KCP: variants seen among roughly 807,000 people sequenced by gnomAD.
KCP encodes the protein kielin/chordin-like protein.
KCP carries 194 observed loss-of-function variants against 212.7 expected under a neutral mutation model. The observed-to-expected ratio is 0.91, with a 90% CI of 0.81 to 1.03. The LOEUF is 1.03. Among genes scored for constraint, KCP ranks in the 50% least tolerant of loss-of-function variants. KCP has a pLI of 0.00. For missense variants in KCP, 2,080 were observed against 2,162.5 expected, an observed-to-expected ratio of 0.96 and a Z score of 0.76; for synonymous variants, 833 against 865.3, an observed-to-expected ratio of 0.96 and a Z score of 0.65.
Position 128,877,611 on chromosome 7 carries a change from C to T in KCP, c.4491G>A (p.Val1497=). Reference sequence around the variant, plus strand: ...CAGGGCCACAGGCACACAGGTCATACACACAGGCGGCAAAGAAGGGCTCCG... The same window carrying T: ...CAGGGCCACAGGCACACAGGTCATATACACAGGCGGCAAAGAAGGGCTCCG... The part of the protein sequence containing the change: ...VPPEPFFAAC[V]YDLCACGPGS... The change falls in exon 39 of 40, where the codon GTG becomes GTA. Residue 1497 remains valine, a synonymous_variant. Coordinates refer to ENST00000610776, the MANE Select transcript of KCP (RefSeq NM_001366122.1). 2 of 1,551,704 alleles carry T rather than the reference C, an allele frequency of 1.3e-6. No individual in the cohort carries two copies. Among genetic ancestry groups the T allele is most frequent in the Non-Finnish European group, 1.7e-6 (2 of 1,146,998 alleles).
rs1794092572 is a variant in KCP, at chr7:128,891,103, C to T, written c.1973-7G>A. On this transcript the variant is annotated splice_region_variant and splice_polypyrimidine_tract_variant and intron_variant, in intron 19 of 39. Transcript: ENST00000610776. Reference sequence around the variant, plus strand: ...CCGGCGGGGGCTGGGGCGGCTGCGGCGAGACAGCGCATCAAAGGGGCCCAG... The same window carrying T: ...CCGGCGGGGGCTGGGGCGGCTGCGGTGAGACAGCGCATCAAAGGGGCCCAG... The T allele has an allele frequency of 1.4e-6, 2 of 1,461,382 alleles. No individual in the cohort carries two copies. The highest frequency in any genetic ancestry group is 1.8e-6 in the Non-Finnish European group (2 of 1,109,914). The allele number at this position is 1,461,382 out of a possible 1,614,324, so 90.5% of individuals were successfully genotyped here. A position where few individuals can be genotyped will look rare whatever the true frequency, so the allele number is the denominator to read the frequency against.
chr7:128,890,494 C>A lies in KCP; in HGVS notation c.2184G>T (p.Lys728Asn), dbSNP rs1390220009. ...PSCDGCLYQG[K>N]EFASGERFPS... ...GGAAGCGCTCCCCGCTGGCAAACTC[C>A]TTCCCCTGGTACAGGCAGCCTGGGG... Residue 728 changes from lysine to asparagine, a missense_variant, in exon 21 of 40, where the codon AAG becomes AAT. Lys to Asn is a moderately conservative substitution (Grantham distance 94). Coordinates refer to ENST00000610776, the MANE Select transcript of KCP (RefSeq NM_001366122.1). The A allele has an allele frequency of 5.8e-6, 9 of 1,549,640 alleles. No individual in the cohort carries two copies. The highest frequency in any genetic ancestry group is 1.4e-5 in the African/African-American group (1 of 72,994).
intron 7 of KCP, 35 bp from the exon 8 acceptor site, chr7:128,902,894 T>A: frequency 6.6e-7 from 1 of 1,507,362 alleles, no homozygotes; most frequent in South Asian, 1.2e-5. Context: ...GGAGGCCTGG[T>A]GGGAGCTGGC....
intron 11 of KCP, 145 bp from the exon 12 acceptor site, chr7:128,893,621 C>T (rs1043468648): frequency 1.0e-6 from 1 of 964,410 alleles, no homozygotes. Flanking sequence ...CCCTGCCCCC[C>T]ACAGCTATGC....
chr7:128,885,331 C>T, intron 26 of KCP, 61 bp from the exon 27 acceptor site: 5 of 1,476,790 alleles, frequency 3.4e-6, no homozygotes, highest in Non-Finnish European at 4.5e-6. Flanking sequence ...CTGCTCCTGG[C>T]CCCCACCCTC....
At chr7:128,902,960 C>T (rs1271577759) in intron 7 of KCP, 101 bp from the exon 8 acceptor site, 1 of 861,558 alleles carries the variant, frequency 1.2e-6, no homozygotes, top group Non-Finnish European at 1.9e-6. Flanking sequence ...TCTGAGGGCT[C>T]TCTCCCGAGC....
intron 21 of KCP, 102 bp from the exon 22 acceptor site, chr7:128,889,141 C>T: frequency 1.1e-6 from 1 of 884,678 alleles, no homozygotes; most frequent in Non-Finnish European, 1.6e-6. Context: ...TCCAAGATCT[C>T]AAAGATCTAG....
Position 128,894,223 on chromosome 7 carries a change from C to T in KCP, c.902G>A (p.Gly301Asp). The T allele has an allele frequency of 5.9e-6, 9 of 1,538,008 alleles. No homozygotes were observed. Among genetic ancestry groups the T allele is most frequent in the Non-Finnish European group, 7.9e-6 (9 of 1,138,010 alleles). The change falls in exon 9 of 40, where the codon GGC (glycine) becomes GAC (aspartate). Residue 301 changes from glycine to aspartate, a missense_variant. By Grantham distance (94) the Gly-to-Asp change is moderately conservative. Coordinates refer to ENST00000610776, the MANE Select transcript of KCP (RefSeq NM_001366122.1). ...LCPYPARPLP[G>D]TCCPVCDGCF... ...ACCATCACACACAGGGCAGCAGGTG[C>T]CTGGGAGGGGCCGGGCTGGGTATGG... is the stretch of plus-strand genomic sequence containing the variant.
At chr7:128,888,119 T>TAC (rs199831809) in intron 22 of KCP, among the ~76,000 whole-genome samples, 52,689 of 117,434 alleles carry the variant, frequency 0.45, 10,632 homozygotes, top group East Asian at 0.77. Context: ...GCTACAGCCA[T>TAC]ACACACACAC....
intron 28 of KCP, 108 bp from the exon 29 acceptor site, chr7:128,884,230 C>A: frequency 1.4e-6 from 2 of 1,384,330 alleles, no homozygotes; most frequent in Non-Finnish European, 9.6e-7. Flanking sequence ...TCTTCCGGGA[C>A]ATGTCTTGGG....
chr7:128,885,295 G>C (rs185725369), intron 26 of KCP, 25 bp from the exon 27 acceptor site: 2 of 1,522,696 alleles, frequency 1.3e-6, no homozygotes, highest in East Asian at 4.9e-5. Flanking sequence ...GGGCAGGGAC[G>C]AGCTCGGAGG....
intron 1 of KCP, among the ~76,000 whole-genome samples, chr7:128,909,612 A>G (rs1373047343): frequency 6.6e-6 from 1 of 151,530 alleles, no homozygotes. Context: ...TCTCTCCACC[A>G]TCTCCATTCA....
In KCP at chr7:128,888,935, G is replaced by A. The variant is rs370329524; in HGVS notation, c.2440C>T (p.Arg814Cys). ...CAGCCCGGAGGCTCACAGGGCCGGCGGCCGCAGGTCACGAAGCCTCCAAGA... is the reference window on the plus strand; with the variant it reads ...CAGCCCGGAGGCTCACAGGGCCGGCAGCCGCAGGTCACGAAGCCTCCAAGA... ...TCLGGFVTCG[R>C]RPCEPPGCSH... The change falls in exon 22 of 40, where the codon CGC (arginine) becomes TGC (cysteine). Residue 814 changes from arginine to cysteine, a missense_variant. Arg to Cys is a radical substitution (Grantham distance 180). Coordinates refer to ENST00000610776, the MANE Select transcript of KCP (RefSeq NM_001366122.1). 1.9e-5 allele frequency: 30 copies of A among 1,550,716 alleles called. 1 individual carries two copies. Among genetic ancestry groups the A allele is most frequent in the Middle Eastern group, 1.7e-4 (1 of 6,010 alleles).
chr7:128,881,550 G>T, intron 31 of KCP, 76 bp downstream of exon 31: 1 of 1,028,790 alleles, frequency 9.7e-7, no homozygotes, highest in Non-Finnish European at 1.4e-6. Context: ...CTGCCCGCTT[G>T]GCCCATGAAT....
In KCP at chr7:128,878,542, T is replaced by C. The variant is rs1384548764; in HGVS notation, c.4311+16A>G. 1 of 1,549,500 alleles carries C rather than the reference T, an allele frequency of 6.5e-7. No individual in the cohort carries two copies. Among genetic ancestry groups the C allele is most frequent in the African/African-American group, 1.4e-5 (1 of 73,030 alleles). ...CGTCTCCCCTAATCCCCATCCCCGGTTCCTGTACCACTCACCTGCCAGCTA... is the reference window on the plus strand; with the variant it reads ...CGTCTCCCCTAATCCCCATCCCCGGCTCCTGTACCACTCACCTGCCAGCTA... On this transcript the variant is annotated intron_variant, in intron 38 of 39. Transcript: ENST00000610776.
intron 11 of KCP, 92 bp downstream of exon 11, chr7:128,893,714 G>A (rs370273217): frequency 2.2e-6 from 3 of 1,362,266 alleles, no homozygotes; most frequent in Non-Finnish European, 2.0e-6. Flanking sequence ...GGGTAACAGG[G>A]GCTTAGGTCC....
At position 128,891,486 on chromosome 7, in the gene KCP, G is replaced by C. The variant is rs968369733; in HGVS notation, c.1843C>G (p.His615Asp). Reference sequence around the variant, plus strand: ...CACAGACGGCAGGGGTCAGAGGGGTGGGGGAAGTCCGCTCCGCTGGGGTAC... The same window carrying C: ...CACAGACGGCAGGGGTCAGAGGGGTCGGGGAAGTCCGCTCCGCTGGGGTAC... Reference protein sequence around the residue: ...KEYPSGADFPHPSDPCRLCRC... With the variant: ...KEYPSGADFPDPSDPCRLCRC... The change falls in exon 18 of 40, where the codon CAC (histidine) becomes GAC (aspartate). Residue 615 changes from histidine to aspartate, a missense_variant. Transcript: ENST00000610776. The C allele has an allele frequency of 1.3e-6, 2 of 1,550,306 alleles. No homozygotes were observed. The highest frequency in any genetic ancestry group is 2.4e-5 in the East Asian group (1 of 40,914).
chr7:128,888,748 G>T, intron 22 of KCP, 115 bp downstream of exon 22: 1 of 1,031,736 alleles, frequency 9.7e-7, no homozygotes, highest in Non-Finnish European at 1.4e-6. Flanking sequence ...CGGAGAGTGA[G>T]AGAAAAGTAT....
Position 128,894,255 on chromosome 7 carries a change from G to A in KCP, c.870C>T (p.Ser290=), listed in dbSNP as rs1206654345. The change falls in exon 9 of 40, where the codon AGC becomes AGT. Residue 290 remains serine, a synonymous_variant. Transcript: ENST00000610776. ...HIQCRQRECA[S]LCPYPARPLP... ...GGGGCCGGGCTGGGTATGGACACAG[G>A]CTGGCACATTCTCGCTGGCGGCACT... 1.3e-6 allele frequency: 2 copies of A among 1,545,042 alleles called. No homozygotes were observed. The highest frequency in any genetic ancestry group is 3.9e-5 in the Admixed American group (2 of 50,702).
Sources: allele counts gnomAD v4.1 joint callset (sites outside exome capture counted in the v4.1 genomes callset), GRCh38; gene constraint gnomAD v4.1.1; transcripts MANE v1.5; gene names NCBI Gene and HGNC (gene_info 2026-07-23, HGNC 2026-07-21).